The following GTF2F2 variants were observed in gnomAD, a reference collection of about 807,000 sequenced individuals.
GTF2F2 encodes the protein general transcription factor IIF subunit 2.
GTF2F2 carries 23 observed loss-of-function variants against 42.2 expected under a neutral mutation model. That is an observed-to-expected ratio of 0.55 (90% CI 0.39 to 0.77). The LOEUF is 0.77. Among genes scored for constraint, GTF2F2 ranks in the 30% least tolerant of loss-of-function variants. GTF2F2 has a pLI of 0.00. For missense variants in GTF2F2, 261 were observed against 287.2 expected, an observed-to-expected ratio of 0.91 and a Z score of 0.66; for synonymous variants, 105 against 100.8, an observed-to-expected ratio of 1.04 and a Z score of -0.25.
At chr13:45,129,825 A>T (rs1430251636) in intron 1 of GTF2F2, among the ~76,000 whole-genome samples, 3 of 152,242 alleles carry the variant, frequency 2.0e-5, no homozygotes, top group Non-Finnish European at 4.4e-5. Context: ...GAAAAATAAA[A>T]CAAGGTCAAG....
chr13:45,232,656 A>G (rs563051934), intron 5 of GTF2F2, among the ~76,000 whole-genome samples: 4 of 152,118 alleles, frequency 2.6e-5, no homozygotes, highest in Non-Finnish European at 5.9e-5. Flanking sequence ...ATGAAGAAAA[A>G]CACTTCTCAT....
chr13:45,186,598 C>T (rs150964953), intron 4 of GTF2F2, among the ~76,000 whole-genome samples: 6 of 152,102 alleles, frequency 3.9e-5, no homozygotes, highest in East Asian at 3.9e-4. Flanking sequence ...GCCGCCTGGC[C>T]GCCCAGCCTA....
At chr13:45,214,968 T>A (rs1873828698) in intron 5 of GTF2F2, among the ~76,000 whole-genome samples, 1 of 150,334 alleles carries the variant, frequency 6.7e-6, no homozygotes, top group South Asian at 2.1e-4. Flanking sequence ...TTCCAGTGTT[T>A]GTGGATTTTT....
intron 5 of GTF2F2, among the ~76,000 whole-genome samples, chr13:45,216,444 T>C (rs1205569512): frequency 1.3e-5 from 2 of 152,154 alleles, no homozygotes; most frequent in Non-Finnish European, 2.9e-5. Context: ...GTGACTCTCC[T>C]GACATACCCA....
intron 7 of GTF2F2, among the ~76,000 whole-genome samples, chr13:45,270,563 G>A (rs184302236): frequency 9.7e-4 from 147 of 152,136 alleles, no homozygotes; most frequent in African/African-American, 3.3e-3. Context: ...CTATGAATGG[G>A]CAGAACCCCC....
chr13:45,180,927 C>G (rs1872124169), intron 4 of GTF2F2, among the ~76,000 whole-genome samples: 1 of 151,288 alleles, frequency 6.6e-6, no homozygotes, highest in African/African-American at 2.5e-5. Flanking sequence ...TTTGGGAGAC[C>G]AAAGCAGGAG....
At chr13:45,147,010 T>G (rs1870227404) in intron 2 of GTF2F2, among the ~76,000 whole-genome samples, 1 of 152,232 alleles carries the variant, frequency 6.6e-6, no homozygotes, top group Non-Finnish European at 1.5e-5. Context: ...TAGCTTTTTT[T>G]CCTAGAGAGT....
rs1371791435 is a variant in GTF2F2 at position 45,284,560 on chromosome 13, CTT to C, written c.*1000_*1001del. 6.6e-6 allele frequency: 1 copy of C among 152,062 alleles called. No homozygotes were observed. Among genetic ancestry groups the C allele is most frequent in the Admixed American group, 6.6e-5 (1 of 15,248 alleles). The allele number at this position is 152,062 out of a possible 1,614,324, so 9.4% of individuals were successfully genotyped here. ...AAGACCATCAAACAAAACAAAGAAGCTTAAGTGAACTAAGCACAGGGAAAAGT... is the reference window on the plus strand; with the variant it reads ...AAGACCATCAAACAAAACAAAGAAGCAAGTGAACTAAGCACAGGGAAAAGT... On this transcript the variant is annotated 3_prime_UTR_variant, in exon 8 of 8. Coordinates refer to ENST00000340473, the MANE Select transcript of GTF2F2 (RefSeq NM_004128.3).
rs547240376 is a variant in GTF2F2, at chr13:45,231,294, G to C, written c.387-21577G>C. Among the ~76,000 whole-genome samples, 5 of 152,176 alleles carry C rather than the reference G, an allele frequency of 3.3e-5. No individual in the cohort carries two copies. In the South Asian group the frequency reaches 6.2e-4, roughly 19 times the overall value. On this transcript the variant is annotated intron_variant, in intron 5 of 7. Transcript: ENST00000340473. ...AGCTAATTTTTGTATTTTTAGTAGT[G>C]ATGGGGTTTCACCATATTGGCCAGG...
chr13:45,192,026 C>G (rs1418308265), intron 4 of GTF2F2, among the ~76,000 whole-genome samples: 1 of 151,974 alleles, frequency 6.6e-6, no homozygotes, highest in Non-Finnish European at 1.5e-5. Context: ...AAATCACTAC[C>G]TTTTTTTCAT....
At chr13:45,268,951 C>T (rs577583516) in intron 7 of GTF2F2, among the ~76,000 whole-genome samples, 6 of 152,232 alleles carry the variant, frequency 3.9e-5, no homozygotes, top group Admixed American at 2.6e-4. Context: ...TCTCTTACAA[C>T]AGAGCTTCTT....
At chr13:45,176,988 C>T (rs1321271196) in intron 4 of GTF2F2, among the ~76,000 whole-genome samples, 2 of 151,946 alleles carry the variant, frequency 1.3e-5, no homozygotes, top group East Asian at 1.9e-4. Flanking sequence ...TGGGGTTTCA[C>T]CATGTTGGTC....
chr13:45,179,887 A>C lies in GTF2F2; in HGVS notation c.305-27537A>C, dbSNP rs1310554620. On this transcript the variant is annotated intron_variant, in intron 4 of 7. Transcript: ENST00000340473. Reference sequence around the variant, plus strand: ...TGAAAAAGAACTGAAGGAATTTCTTAACATCAAATAAATGCCTCTTTTTCA... The same window carrying C: ...TGAAAAAGAACTGAAGGAATTTCTTCACATCAAATAAATGCCTCTTTTTCA... 3.3e-5 allele frequency among the ~76,000 whole-genome samples: 5 copies of C among 152,352 alleles called. No homozygotes were observed. In the East Asian group the frequency reaches 9.6e-4, roughly 29 times the overall value.
At position 45,194,081 on chromosome 13, in the gene GTF2F2, C is replaced by G. The variant is rs780718179; in HGVS notation, c.305-13343C>G. ...CGAGACTTTATTTTTGATATGAAAT[C>G]AGGAGCATTACAGAAGATTCTTAAT... On this transcript the variant is annotated intron_variant, in intron 4 of 7. Coordinates refer to ENST00000340473, the MANE Select transcript of GTF2F2 (RefSeq NM_004128.3). 23 of 1,614,004 alleles carry G rather than the reference C, an allele frequency of 1.4e-5. No homozygotes were observed. The Admixed American group carries it at 2.2e-4, about 15-fold the overall frequency.
chr13:45,238,529 C>G (rs1033849262), intron 5 of GTF2F2, among the ~76,000 whole-genome samples: 2 of 152,186 alleles, frequency 1.3e-5, no homozygotes, highest in Non-Finnish European at 2.9e-5. Context: ...CTCCCTCTTC[C>G]CACTCCCTTG....
At chr13:45,275,303 T>TATG (rs1210920937) in intron 7 of GTF2F2, among the ~76,000 whole-genome samples, 1 of 151,572 alleles carries the variant, frequency 6.6e-6, no homozygotes, top group Non-Finnish European at 1.5e-5. Context: ...AAATGGTGTT[T>TATG]ATTATTATTA....
intron 2 of GTF2F2, among the ~76,000 whole-genome samples, chr13:45,148,092 A>G (rs1302758202): frequency 6.6e-6 from 1 of 152,222 alleles, no homozygotes; most frequent in African/African-American, 2.4e-5. Context: ...GTGGACATAT[A>G]GTAGACCCTT....
rs187674431 is a variant in GTF2F2 at position 45,246,274 on chromosome 13, G to A, written c.387-6597G>A. ...GATCCGCCCTCCTTGGCCTTCCAAA[G>A]TGCTGGGATTACAGGCGTGAGCCAC... On this transcript the variant is annotated intron_variant, in intron 5 of 7. Transcript: ENST00000340473. Among the ~76,000 whole-genome samples the A allele has an allele frequency of 3.9e-3, 599 of 152,136 alleles. 7 individuals are homozygous for A. The highest frequency in any genetic ancestry group is 0.014 in the African/African-American group (581 of 41,530).
At chr13:45,221,319 A>C (rs948819540) in intron 5 of GTF2F2, among the ~76,000 whole-genome samples, 1 of 152,100 alleles carries the variant, frequency 6.6e-6, no homozygotes, top group African/African-American at 2.4e-5. Flanking sequence ...ATCCTACTAC[A>C]CTATTCTAAG....
Sources: gnomAD v4.1 joint callset for allele counts (sites outside exome capture counted in the v4.1 genomes callset) on GRCh38, gnomAD v4.1.1 for gene constraint, MANE v1.5 for transcripts, NCBI Gene and HGNC (gene_info 2026-07-23, HGNC 2026-07-21) for gene names.